Variants in NEK6 observed in about 807,000 individuals in gnomAD.
NEK6 encodes the protein NIMA related kinase 6.
NEK6 carries 27 observed loss-of-function variants against 43.5 expected under a neutral mutation model. The observed-to-expected ratio is 0.62, with a 90% confidence interval of 0.46 to 0.86. The LOEUF is 0.86. Among genes scored for constraint, NEK6 ranks in the 40% least tolerant of loss-of-function variants. The pLI is 0.00. For missense variants in NEK6, 318 were observed against 414.4 expected (o/e 0.77, Z 2.02); for synonymous variants, 167 against 164.1 (o/e 1.02, Z -0.14).
At chr9:124,287,247 G>A (rs565485217) in intron 1 of NEK6, among the ~76,000 whole-genome samples, 1 of 152,322 alleles carries the variant, frequency 6.6e-6, no homozygotes, top group South Asian at 2.1e-4. Flanking sequence ...TGTCCTTTGT[G>A]TAGGCTCACT....
intron 1 of NEK6, chr9:124,292,831 G>C: frequency 7.0e-7 from 1 of 1,436,272 alleles, no homozygotes; most frequent in Non-Finnish European, 9.2e-7. Flanking sequence ...TACCCTCAAG[G>C]ACATTTCCAT....
chr9:124,307,252 G>A (rs1417376216), intron 2 of NEK6, among the ~76,000 whole-genome samples: 1 of 152,012 alleles, frequency 6.6e-6, no homozygotes, highest in Non-Finnish European at 1.5e-5. Flanking sequence ...AGACAGCGTG[G>A]GTTTCTCAGA....
rs1225936183 is a variant in NEK6, at chr9:124,324,617, C to T, written c.406-1713C>T. On this transcript the variant is annotated intron_variant, in intron 5 of 9. Transcript: ENST00000320246. This position sits in a 1 kb window ranked among gnomAD's most constrained non-coding sequence, Gnocchi z 5.3. Reference sequence around the variant, plus strand: ...CATCACAGCGTGAATAACATCCCGGCCTGGCCCGCCACAGGCCTGGAGGTG... The same window carrying T: ...CATCACAGCGTGAATAACATCCCGGTCTGGCCCGCCACAGGCCTGGAGGTG... Among the ~76,000 whole-genome samples, 1 of 152,206 alleles carries T rather than the reference C, an allele frequency of 6.6e-6. No homozygotes were observed. Among genetic ancestry groups the T allele is most frequent in the Non-Finnish European group, 1.5e-5 (1 of 68,026 alleles).
chr9:124,302,425 G>A (rs1833030011), intron 2 of NEK6, among the ~76,000 whole-genome samples: 1 of 152,188 alleles, frequency 6.6e-6, no homozygotes, highest in Non-Finnish European at 1.5e-5. Context: ...ACTGTACTGT[G>A]GGTCAGAAAA....
intron 2 of NEK6, among the ~76,000 whole-genome samples, chr9:124,307,386 G>A (rs1348115111): frequency 6.6e-6 from 1 of 152,156 alleles, no homozygotes; most frequent in Non-Finnish European, 1.5e-5. Context: ...GATTGGGATG[G>A]CGGTGGCTCG....
chr9:124,292,595 C>T (rs1832476428), intron 1 of NEK6: 1 of 1,532,512 alleles, frequency 6.5e-7, no homozygotes, highest in Non-Finnish European at 8.7e-7. Flanking sequence ...TCCACTTGGT[C>T]CTTCTTCCAC....
rs1252322525 is a variant in NEK6 at position 124,275,402 on chromosome 9, G to C, written c.-30+17317G>C. Among the ~76,000 whole-genome samples the C allele has an allele frequency of 6.6e-6, 1 of 152,160 alleles. No homozygotes were observed. The highest frequency in any genetic ancestry group is 1.5e-5 in the Non-Finnish European group (1 of 68,032). On this transcript the variant is annotated intron_variant, in intron 1 of 9. Transcript: ENST00000320246. This position sits in a 1 kb window ranked among gnomAD's most constrained non-coding sequence, Gnocchi z 4.4. ...TGACCTGGTTGATGACGGTCATGGA[G>C]CCCAGAACCCATGGGTAACGGGGTC...
At position 124,326,943 on chromosome 9, in the gene NEK6, C is replaced by T. The variant is rs1249971391; in HGVS notation, c.515-395C>T. ...TTGGTGTCTGCTGTATTGGAGGCCC[C>T]GCCCTCACTGGGGGGTACGGCACTG... On this transcript the variant is annotated intron_variant, in intron 6 of 9. Coordinates refer to ENST00000320246, the MANE Select transcript of NEK6 (RefSeq NM_014397.6). The surrounding 1 kb of genome is among the most constrained non-coding windows in gnomAD (Gnocchi z 4.5). Among the ~76,000 whole-genome samples, 2 of 152,168 alleles carry T rather than the reference C, an allele frequency of 1.3e-5. No individual in the cohort carries two copies. The highest frequency in any genetic ancestry group is 2.4e-5 in the African/African-American group (1 of 41,442).
chr9:124,320,973 G>T (rs1457540767), intron 4 of NEK6, among the ~76,000 whole-genome samples: 2 of 152,226 alleles, frequency 1.3e-5, no homozygotes, highest in African/African-American at 2.4e-5. Context: ...GATAGGTCAG[G>T]AATTGAGAAA....
intron 1 of NEK6, among the ~76,000 whole-genome samples, chr9:124,284,288 G>T (rs1028344854): frequency 3.3e-5 from 5 of 152,252 alleles, no homozygotes; most frequent in African/African-American, 1.2e-4. Flanking sequence ...GGCGGAGGTT[G>T]CAGTGATCCA....
rs1181885172 is a variant in NEK6, at chr9:124,327,544, G to A, written c.622+99G>A. ...CCCCACGTGTGTTTGGTCAGTTAGT[G>A]CAGGAAGATGCCTTTTTTAAGCCCC... On this transcript the variant is annotated intron_variant, in intron 7 of 9. Transcript: ENST00000320246. The A allele has an allele frequency of 4.5e-6, 4 of 891,806 alleles. No homozygotes were observed. The East Asian group carries it at 9.7e-5, about 22-fold the overall frequency. The allele number at this position is 891,806 out of a possible 1,614,324, so 55.2% of individuals were successfully genotyped here.
At chr9:124,337,590 G>C (rs1260634887) in intron 7 of NEK6, among the ~76,000 whole-genome samples, 1 of 152,210 alleles carries the variant, frequency 6.6e-6, no homozygotes. Context: ...GTGTATAACT[G>C]AGATTTGTTC....
In NEK6 at chr9:124,326,452, G is replaced by A. The variant is rs775079558; in HGVS notation, c.514+14G>A. 17 of 1,313,372 alleles carry A rather than the reference G, an allele frequency of 1.3e-5. No homozygotes were observed. The highest frequency in any genetic ancestry group is 7.1e-5 in the South Asian group (4 of 56,676). 81.4% of individuals were successfully genotyped at this position (1,313,372 alleles called of 1,614,324 possible). On this transcript the variant is annotated intron_variant, in intron 6 of 9. Transcript: ENST00000320246. This position sits in a 1 kb window ranked among gnomAD's most constrained non-coding sequence, Gnocchi z 4.5. The stretch of plus-strand genomic sequence containing the variant: ...TGATGCACCGAGGTACGTGCCACCC[G>A]CCAGGAGCCGCCCGGAGCCACCTGG...
intron 8 of NEK6, among the ~76,000 whole-genome samples, chr9:124,345,673 G>A (rs565638832): frequency 2.0e-5 from 3 of 152,208 alleles, no homozygotes; most frequent in Admixed American, 6.5e-5. Flanking sequence ...CAGGGCCTGC[G>A]TTCACAGGAC....
rs1024495539 is a variant in NEK6 at position 124,326,841 on chromosome 9, G to A, written c.514+403G>A. 2.0e-5 allele frequency among the ~76,000 whole-genome samples: 3 copies of A among 152,126 alleles called. No individual in the cohort carries two copies. Among genetic ancestry groups the A allele is most frequent in the Non-Finnish European group, 2.9e-5 (2 of 68,008 alleles). On this transcript the variant is annotated intron_variant, in intron 6 of 9. Transcript: ENST00000320246. The surrounding 1 kb of genome is among the most constrained non-coding windows in gnomAD (Gnocchi z 4.5). ...CGAGTTGTGAGAAAGGAGCCTGCTGGGTGCCCGGCAGGGCACGAGGTCCTT... is the reference window on the plus strand; with the variant it reads ...CGAGTTGTGAGAAAGGAGCCTGCTGAGTGCCCGGCAGGGCACGAGGTCCTT...
intron 2 of NEK6, among the ~76,000 whole-genome samples, chr9:124,307,260 A>G (rs1240144654): frequency 2.0e-5 from 3 of 152,064 alleles, no homozygotes; most frequent in Admixed American, 2.0e-4. Context: ...TGGGTTTCTC[A>G]GAGCTTTCTG....
At chr9:124,282,587 A>G (rs1483485550) in intron 1 of NEK6, among the ~76,000 whole-genome samples, 1 of 150,896 alleles carries the variant, frequency 6.6e-6, no homozygotes, top group African/African-American at 2.4e-5. Flanking sequence ...TGGCGGGGGA[A>G]CGCTGTCACC....
At chr9:124,289,431 C>G (rs1832312683) in intron 1 of NEK6, among the ~76,000 whole-genome samples, 2 of 152,118 alleles carry the variant, frequency 1.3e-5, no homozygotes, top group African/African-American at 4.8e-5. Flanking sequence ...CAGGCTGGCA[C>G]TATCCCTGAA....
chr9:124,266,868 G>A (rs1408972365), intron 1 of NEK6, among the ~76,000 whole-genome samples: 2 of 152,206 alleles, frequency 1.3e-5, no homozygotes, highest in Non-Finnish European at 2.9e-5. Flanking sequence ...CCCTTCCCTG[G>A]GAGAAGAGGT....
Sources: gnomAD v4.1 joint callset for allele counts (sites outside exome capture counted in the v4.1 genomes callset) on GRCh38, gnomAD v4.1.1 for gene constraint, Gnocchi (gnomAD v3.1) non-coding constraint, MANE v1.5 for transcripts, NCBI Gene and HGNC (gene_info 2026-07-23, HGNC 2026-07-21) for gene names.